Variants in LINGO1 observed in about 807,000 individuals in gnomAD.
LINGO1 encodes leucine-rich repeat and immunoglobulin-like domain-containing nogo receptor-interacting protein 1.
Under a neutral mutation model 37.3 loss-of-function variants are expected in LINGO1, and 11 were observed. The ratio of observed to expected loss-of-function variants is 0.29; its 90% CI spans 0.19 to 0.49. The LOEUF (loss-of-function observed/expected upper bound fraction) is 0.49. LINGO1 is among the 20% of genes least tolerant of loss of function. LINGO1 has a pLI of 0.99. For synonymous variants in LINGO1, 387 were observed against 403.0 expected (o/e 0.96, Z 0.48); for missense variants, 585 against 878.2 (o/e 0.67, Z 4.22).
chr15:77,704,263 G>T (rs184227455), intron 2 of LINGO1, among the ~76,000 whole-genome samples: 1 of 152,188 alleles, frequency 6.6e-6, no homozygotes, highest in Non-Finnish European at 1.5e-5. Flanking sequence ...CAAGCAGAGA[G>T]CTCAGAGGGA....
At chr15:77,619,872 C>T (rs568142541) in intron 1 of LINGO1, among the ~76,000 whole-genome samples, 44 of 152,332 alleles carry the variant, frequency 2.9e-4, no homozygotes, top group Admixed American at 2.1e-3. Context: ...TGGGAGTGTA[C>T]GGGCTCTGAG....
chr15:77,689,630 A>G (rs895077661), intron 2 of LINGO1, among the ~76,000 whole-genome samples: 3 of 152,092 alleles, frequency 2.0e-5, no homozygotes, highest in African/African-American at 4.8e-5. Context: ...TCTGTGTGTG[A>G]ATTATGTTCC....
chr15:77,805,294 T>C (rs986595308), intron 1 of LINGO1, among the ~76,000 whole-genome samples: 4 of 152,232 alleles, frequency 2.6e-5, no homozygotes, highest in African/African-American at 9.6e-5. Flanking sequence ...ATTGCCCTCC[T>C]ACTCCTGCTG....
At chr15:77,696,519 CG>C, upstream of LINGO1, 1 of 152,564 alleles carries the variant, frequency 6.6e-6, no homozygotes. Context: ...CTGGCTGTGC[CG>C]GGGGTGAGCG....
chr15:77,774,817 T>C (rs1338529817), intron 1 of LINGO1, among the ~76,000 whole-genome samples: 1 of 152,216 alleles, frequency 6.6e-6, no homozygotes, highest in Non-Finnish European at 1.5e-5. Context: ...CCTGGATTTC[T>C]ATCCACGTAC....
At chr15:77,713,107 A>G (rs2075938877) in intron 2 of LINGO1, among the ~76,000 whole-genome samples, 1 of 151,642 alleles carries the variant, frequency 6.6e-6, no homozygotes, top group Non-Finnish European at 1.5e-5. Flanking sequence ...CAGTGGTACA[A>G]TCTTGGCTCA....
chr15:77,813,504 C>T (rs1234063517), intron 1 of LINGO1, among the ~76,000 whole-genome samples: 2 of 152,132 alleles, frequency 1.3e-5, no homozygotes, highest in Non-Finnish European at 2.9e-5. Flanking sequence ...TGACAGCCAG[C>T]CTGGGCTTGG....
chr15:77,643,359 A>G (rs1465676521), intron 3 of LINGO1, among the ~76,000 whole-genome samples: 2 of 152,134 alleles, frequency 1.3e-5, no homozygotes, highest in East Asian at 1.9e-4. Context: ...GGCAAACCTC[A>G]GGGTAGGGAG....
intron 2 of LINGO1, among the ~76,000 whole-genome samples, chr15:77,680,864 T>TA: frequency 6.6e-6 from 1 of 152,162 alleles, no homozygotes; most frequent in Non-Finnish European, 1.5e-5. Context: ...ATTTTGAACT[T>TA]ACTGGTGTTT....
upstream of LINGO1, among the ~76,000 whole-genome samples, chr15:77,791,942 G>T (rs1484738718): frequency 1.3e-5 from 2 of 151,904 alleles, no homozygotes; most frequent in African/African-American, 4.8e-5. Context: ...AAGCTCCCCA[G>T]GGCTGGATTC....
At chr15:77,625,049 G>C (rs2074047125) in intron 1 of LINGO1, among the ~76,000 whole-genome samples, 2 of 152,188 alleles carry the variant, frequency 1.3e-5, no homozygotes. Context: ...GGGGCCCCCA[G>C]GGGGAACCCT....
intron 3 of LINGO1, among the ~76,000 whole-genome samples, chr15:77,649,793 C>A (rs1029918735): frequency 3.9e-5 from 6 of 152,116 alleles, no homozygotes; most frequent in African/African-American, 1.2e-4. Context: ...GCAGCAGCCC[C>A]CAACACTGCT....
intron 2 of LINGO1, among the ~76,000 whole-genome samples, chr15:77,733,552 G>A (rs1040170887): frequency 6.6e-6 from 1 of 151,942 alleles, no homozygotes; most frequent in African/African-American, 2.4e-5. Flanking sequence ...GGAGAGAGAC[G>A]GATAGACCCA....
intron 3 of LINGO1, among the ~76,000 whole-genome samples, chr15:77,644,843 T>C (rs1367374198): frequency 6.6e-6 from 1 of 151,948 alleles, no homozygotes; most frequent in African/African-American, 2.4e-5. Context: ...ACGAGCGGTT[T>C]AGGGTTGGAT....
intron 2 of LINGO1, among the ~76,000 whole-genome samples, chr15:77,679,238 A>G (rs1196957273): frequency 1.3e-5 from 2 of 152,234 alleles, no homozygotes; most frequent in Admixed American, 1.3e-4. Context: ...TTAATTACTA[A>G]TAATGATGAA....
intron 1 of LINGO1, among the ~76,000 whole-genome samples, chr15:77,735,249 A>G (rs1381389070): frequency 6.6e-6 from 1 of 152,230 alleles, no homozygotes; most frequent in Non-Finnish European, 1.5e-5. Context: ...TTCATTCCAG[A>G]GTCAAGATTG....
chr15:77,771,363 T>C (rs1164840727), intron 1 of LINGO1, among the ~76,000 whole-genome samples: 2 of 152,150 alleles, frequency 1.3e-5, no homozygotes, highest in Non-Finnish European at 2.9e-5. Context: ...AGGTCCCCAG[T>C]GATAAGGGCC....
At chr15:77,617,537 A>T (rs1334085090) in intron 1 of LINGO1, among the ~76,000 whole-genome samples, 1 of 151,898 alleles carries the variant, frequency 6.6e-6, no homozygotes, top group Non-Finnish European at 1.5e-5. Flanking sequence ...CAGGAGGGGG[A>T]AGCCCAGACC....
chr15:77,632,305 C>A lies in LINGO1; in HGVS notation c.6+5G>T. The A allele has an allele frequency of 2.8e-6, 4 of 1,439,130 alleles. No individual in the cohort carries two copies. Among genetic ancestry groups the A allele is most frequent in the South Asian group, 1.4e-5 (1 of 72,166 alleles). 89.1% of individuals were successfully genotyped at this position (1,439,130 alleles called of 1,614,324 possible). On this transcript the variant is annotated splice_donor_5th_base_variant and intron_variant, in intron 1 of 1. Coordinates refer to ENST00000355300, the MANE Select transcript of LINGO1 (RefSeq NM_032808.7). This position sits in a 1 kb window ranked among gnomAD's most constrained non-coding sequence, Gnocchi z 6.0. ...TCGGGGCTCGGCCGCGGCCGCCTGGCTCACCTGCATCTCGGGCGCGCCTTC... is the reference window on the plus strand; with the variant it reads ...TCGGGGCTCGGCCGCGGCCGCCTGGATCACCTGCATCTCGGGCGCGCCTTC...
Sources: gnomAD v4.1 joint callset for allele counts (sites outside exome capture counted in the v4.1 genomes callset) on GRCh38, gnomAD v4.1.1 for gene constraint, Gnocchi (gnomAD v3.1) non-coding constraint, MANE v1.5 for transcripts, NCBI Gene and HGNC (gene_info 2026-07-23, HGNC 2026-07-21) for gene names.